Variants in FSTL5 observed in about 807,000 individuals in gnomAD.
FSTL5 encodes the protein follistatin like 5, also known as follistatin-related protein 5.
FSTL5 carries 62 observed loss-of-function variants against 89.1 expected under a neutral mutation model. The observed-to-expected ratio is 0.70, with a 90% CI of 0.57 to 0.86. FSTL5 has a LOEUF of 0.86. Among genes scored for constraint, FSTL5 ranks in the 40% least tolerant of loss-of-function variants. FSTL5 has a pLI of 0.00. For missense variants in FSTL5, 1,057 were observed against 1,001.6 expected (o/e 1.06, Z -0.75); for synonymous variants, 383 against 346.2 (o/e 1.11, Z -1.18).
At chr4:161,554,263 T>C (rs1312643240) in intron 8 of FSTL5, among the ~76,000 whole-genome samples, 4 of 151,500 alleles carry the variant, frequency 2.6e-5, no homozygotes, top group Non-Finnish European at 4.4e-5. Context: ...TAGATAGATA[T>C]ATTTCTCAAA....
intron 6 of FSTL5, among the ~76,000 whole-genome samples, chr4:161,720,871 A>G (rs909424117): frequency 6.6e-6 from 1 of 152,194 alleles, no homozygotes; most frequent in African/African-American, 2.4e-5. Context: ...GGGGAGGACG[A>G]AACAGGGAGG....
chr4:161,885,609 C>A (rs961352661), intron 4 of FSTL5, among the ~76,000 whole-genome samples: 10 of 151,954 alleles, frequency 6.6e-5, no homozygotes, highest in African/African-American at 1.7e-4. Flanking sequence ...CCATGCCCAG[C>A]TAATTTTTTG....
At chr4:162,061,368 G>C (rs981937717) in intron 2 of FSTL5, among the ~76,000 whole-genome samples, 1 of 152,122 alleles carries the variant, frequency 6.6e-6, no homozygotes, top group African/African-American at 2.4e-5. Context: ...GATGTCCTCT[G>C]GAATACAAGT....
rs115865124 is a variant in FSTL5, at chr4:161,655,042, G to T, written c.894+1286C>A. Among the ~76,000 whole-genome samples, 905 of 152,200 alleles carry T rather than the reference G, an allele frequency of 5.9e-3. 7 individuals are homozygous for T. Among genetic ancestry groups the T allele is most frequent in the African/African-American group, 0.02 (842 of 41,542 alleles). On this transcript the variant is annotated intron_variant, in intron 7 of 15. Transcript: ENST00000306100. ...TGAGTAGAAAAACATGTTCTTTCAT[G>T]CTAGGAAAATATTTTTTTGCTTTGA...
chr4:161,691,827 G>T (rs779294708), intron 6 of FSTL5, among the ~76,000 whole-genome samples: 1 of 151,930 alleles, frequency 6.6e-6, no homozygotes, highest in African/African-American at 2.4e-5. Flanking sequence ...CTCATTGGTG[G>T]TGTATAGAAG....
At chr4:161,421,340 C>CA (rs57798544) in intron 15 of FSTL5, among the ~76,000 whole-genome samples, 11,638 of 115,092 alleles carry the variant, frequency 0.1, 581 homozygotes, top group Non-Finnish European at 0.14. Context: ...AAGACTGTCT[C>CA]AAAAAAAAAA....
intron 15 of FSTL5, among the ~76,000 whole-genome samples, chr4:161,438,223 A>T (rs1305714550): frequency 6.8e-6 from 1 of 147,166 alleles, no homozygotes; most frequent in Non-Finnish European, 1.5e-5. Context: ...TGTCTATAAA[A>T]GTGAGATAAT....
intron 6 of FSTL5, among the ~76,000 whole-genome samples, chr4:161,671,703 A>C (rs1257119407): frequency 6.6e-6 from 1 of 152,130 alleles, no homozygotes; most frequent in Non-Finnish European, 1.5e-5. Flanking sequence ...AAAATCTTTG[A>C]GCCTTCTGCA....
intron 3 of FSTL5, among the ~76,000 whole-genome samples, chr4:161,957,515 A>G (rs952197351): frequency 6.6e-6 from 1 of 152,042 alleles, no homozygotes; most frequent in Non-Finnish European, 1.5e-5. Context: ...AGAAGAAGAA[A>G]CTTTAAAAAT....
intron 12 of FSTL5, chr4:161,495,485 G>T (rs183343146): frequency 2.0e-5 from 3 of 151,956 alleles, no homozygotes; most frequent in Non-Finnish European, 4.4e-5. Flanking sequence ...GTACAACTAG[G>T]ATAAATATAG....
intron 4 of FSTL5, among the ~76,000 whole-genome samples, chr4:161,900,707 G>T (rs1297419342): frequency 1.4e-5 from 2 of 145,298 alleles, no homozygotes; most frequent in South Asian, 2.2e-4. Flanking sequence ...CAGACCTAAA[G>T]TCATTGCCAA....
At chr4:162,031,277 G>T (rs1434993671) in intron 3 of FSTL5, among the ~76,000 whole-genome samples, 2 of 152,128 alleles carry the variant, frequency 1.3e-5, no homozygotes, top group East Asian at 1.9e-4. Context: ...TAATAAATGT[G>T]TTTGAATAAA....
intron 1 of FSTL5, among the ~76,000 whole-genome samples, chr4:162,144,143 A>C (rs902326479): frequency 6.6e-6 from 1 of 152,146 alleles, no homozygotes; most frequent in African/African-American, 2.4e-5. Flanking sequence ...GGAGAAAAGA[A>C]CTTGCCTAGA....
intron 4 of FSTL5, among the ~76,000 whole-genome samples, chr4:161,876,776 A>T (rs1732456370): frequency 6.6e-6 from 1 of 152,092 alleles, no homozygotes; most frequent in Non-Finnish European, 1.5e-5. Context: ...GTTTTATTTT[A>T]TTTAATTTTT....
At chr4:161,690,920 G>A (rs897327170) in intron 6 of FSTL5, among the ~76,000 whole-genome samples, 3 of 152,002 alleles carry the variant, frequency 2.0e-5, no homozygotes, top group Non-Finnish European at 4.4e-5. Context: ...TTCTGTTCCT[G>A]CATCAGTTTG....
intron 4 of FSTL5, among the ~76,000 whole-genome samples, chr4:161,878,769 G>T (rs963721759): frequency 1.3e-5 from 2 of 152,052 alleles, no homozygotes; most frequent in Non-Finnish European, 2.9e-5. Context: ...GAAATTAAAT[G>T]CCCATTTCTA....
At chr4:162,163,456 TAA>T (rs201952640) in intron 1 of FSTL5, among the ~76,000 whole-genome samples, 157 bp downstream of exon 1, 15,922 of 142,792 alleles carry the variant, frequency 0.11, 944 homozygotes, top group African/African-American at 0.16. Flanking sequence ...ATAATAATAA[TAA>T]TAATAATAAT....
intron 6 of FSTL5, among the ~76,000 whole-genome samples, chr4:161,706,519 C>T (rs1003004744): frequency 4.6e-5 from 7 of 151,896 alleles, no homozygotes; most frequent in African/African-American, 1.7e-4. Flanking sequence ...TATTGCCTAT[C>T]GAATGCTTTT....
At chr4:161,477,724 CTT>C (rs1300440024) in intron 13 of FSTL5, among the ~76,000 whole-genome samples, 1 of 151,708 alleles carries the variant, frequency 6.6e-6, no homozygotes, top group South Asian at 2.1e-4. Flanking sequence ...TAATAATTCA[CTT>C]TTAATTTTTA....
Sources: gnomAD v4.1 joint callset for allele counts (sites outside exome capture counted in the v4.1 genomes callset) on GRCh38, gnomAD v4.1.1 for gene constraint, MANE v1.5 for transcripts, NCBI Gene and HGNC (gene_info 2026-07-23, HGNC 2026-07-21) for gene names.